TNN: variants seen among roughly 807,000 people sequenced by gnomAD.
TNN encodes the protein tenascin N.
TNN carries 122 observed loss-of-function variants against 134.4 expected under a neutral mutation model. The observed-to-expected ratio is 0.91, with a 90% CI of 0.78 to 1.06. The LOEUF is 1.06. Among genes scored for constraint, TNN ranks in the 50% least tolerant of loss-of-function variants. TNN has a pLI of 0.00. For missense variants in TNN, 1,739 were observed against 1,699.4 expected, an observed-to-expected ratio of 1.02 and a Z score of -0.41; for synonymous variants, 710 against 670.3, an observed-to-expected ratio of 1.06 and a Z score of -0.91.
intron 9 of TNN, among the ~76,000 whole-genome samples, chr1:175,105,274 A>G (rs904579157): frequency 5.5e-5 from 8 of 146,026 alleles, no homozygotes; most frequent in African/African-American, 2.0e-4. Flanking sequence ...TCTGCTTTAA[A>G]TCAGAGAGGG....
chr1:175,123,727 A>G lies in TNN; in HGVS notation c.2914+64A>G, dbSNP rs544342082. On this transcript the variant is annotated intron_variant, in intron 12 of 18. Transcript: ENST00000239462. The stretch of plus-strand genomic sequence containing the variant: ...TATCAGGAGAGAACCTTCCTCCATC[A>G]GTGGGCTGGGGAGGGGAGCAGGAGG... 5.0e-4 allele frequency: 805 copies of G among 1,598,594 alleles called. 5 individuals are homozygous for G. Among genetic ancestry groups the G allele is most frequent in the Middle Eastern group, 4.0e-3 (24 of 5,990 alleles).
chr1:175,105,204 C>A (rs1163704726), intron 9 of TNN, among the ~76,000 whole-genome samples: 1 of 145,754 alleles, frequency 6.9e-6, no homozygotes, highest in African/African-American at 2.5e-5. Context: ...TGCCCTAGAC[C>A]CTGTAGGACA....
chr1:175,136,209 C>A (rs755645186), intron 16 of TNN, among the ~76,000 whole-genome samples: 6 of 152,096 alleles, frequency 3.9e-5, no homozygotes, highest in Admixed American at 3.3e-4. Context: ...ATCTTAGAAG[C>A]CACAGTAGTA....
rs1337434758 is a variant in TNN, at chr1:175,117,203, C to T, written c.2384C>T (p.Thr795Ile). The T allele has an allele frequency of 6.2e-7, 1 of 1,614,146 alleles. No homozygotes were observed. Among genetic ancestry groups the T allele is most frequent in the Non-Finnish European group, 8.5e-7 (1 of 1,180,014 alleles). Residue 795 changes from threonine (T) to isoleucine (I), a missense_variant and splice_region_variant, in exon 10 of 19, where the codon ACA becomes ATA. Physicochemically the swap from Thr to Ile is moderately conservative, Grantham distance 89 (BLOSUM62 -1). Transcript: ENST00000239462. ...ESKKADTKAQTDIDSPQNLVT... is the reference protein window; with the variant it reads ...ESKKADTKAQIDIDSPQNLVT... Reference sequence around the variant, plus strand: ...AAGAAGGCTGACACCAAGGCCCAGACAGGTAAGGAGCATTGTTCTTTGGGA... The same window carrying T: ...AAGAAGGCTGACACCAAGGCCCAGATAGGTAAGGAGCATTGTTCTTTGGGA...
At chr1:175,130,416 T>C (rs190859471) in intron 15 of TNN, among the ~76,000 whole-genome samples, 18 of 152,336 alleles carry the variant, frequency 1.2e-4, no homozygotes, top group South Asian at 6.2e-4. Context: ...CAGAGCAGAA[T>C]GTAACATGGG....
intron 1 of TNN, among the ~76,000 whole-genome samples, chr1:175,074,484 G>GAAAAAAAAAAAAA (rs55952749): frequency 1.7e-5 from 2 of 119,020 alleles, no homozygotes; most frequent in Non-Finnish European, 1.8e-5. Flanking sequence ...GATCCTGTCT[G>GAAAAAAAAAAAAA]AAAAAAAAAA....
chr1:175,090,532 T>C (rs1674421274), intron 6 of TNN, among the ~76,000 whole-genome samples: 1 of 152,196 alleles, frequency 6.6e-6, no homozygotes, highest in Non-Finnish European at 1.5e-5. Flanking sequence ...AACTGGGAGA[T>C]TCACAGGTGG....
Position 175,098,473 on chromosome 1 carries a change from T to A in TNN, c.1997T>A (p.Val666Glu), listed in dbSNP as rs1283830208. The change falls in exon 9 of 19, where the codon GTG (valine) becomes GAG (glutamate). Residue 666 changes from valine (V) to glutamate (E), a missense_variant. Coordinates refer to ENST00000239462, the MANE Select transcript of TNN (RefSeq NM_022093.2). ...SAGGETREVP[V>E]GKEQSSTVLT... ...GGTGGAGAGACCAGGGAGGTTCCGG[T>A]GGGGAAGGAGCAGAGCAGCACAGTC... is the stretch of plus-strand genomic sequence containing the variant. The A allele has an allele frequency of 6.8e-6, 11 of 1,613,650 alleles. No individual in the cohort carries two copies. Among genetic ancestry groups the A allele is most frequent in the Middle Eastern group, 1.6e-4 (1 of 6,062 alleles).
chr1:175,092,062 G>A (rs1186279412), intron 6 of TNN, among the ~76,000 whole-genome samples: 1 of 152,130 alleles, frequency 6.6e-6, no homozygotes, highest in Non-Finnish European at 1.5e-5. Context: ...GAAGGTGAGG[G>A]CCATGAACTT....
chr1:175,102,899 T>G (rs184971960), intron 9 of TNN, among the ~76,000 whole-genome samples: 30 of 146,126 alleles, frequency 2.1e-4, no homozygotes, highest in African/African-American at 7.4e-4. Flanking sequence ...CCAACTGCTG[T>G]TGGCAATTTG....
chr1:175,134,643 A>G (rs1055307123), intron 15 of TNN, among the ~76,000 whole-genome samples: 4 of 152,154 alleles, frequency 2.6e-5, no homozygotes, highest in African/African-American at 9.7e-5. Context: ...TAGCTGAGAG[A>G]AGAGTCATCT....
chr1:175,068,812 G>T (rs1673855061), intron 1 of TNN, among the ~76,000 whole-genome samples: 1 of 152,188 alleles, frequency 6.6e-6, no homozygotes, highest in African/African-American at 2.4e-5. Flanking sequence ...GGAGGCTGAG[G>T]CAGGAGAATT....
At chr1:175,136,367 G>A (rs532949440) in intron 16 of TNN, among the ~76,000 whole-genome samples, 1 of 152,284 alleles carries the variant, frequency 6.6e-6, no homozygotes, top group South Asian at 2.1e-4. Flanking sequence ...TTCACAGACA[G>A]TGAAATAGCC....
intron 6 of TNN, among the ~76,000 whole-genome samples, chr1:175,087,834 T>C (rs1202099860): frequency 6.6e-6 from 1 of 152,240 alleles, no homozygotes; most frequent in East Asian, 1.9e-4. Context: ...CAGCTAGAAA[T>C]TGGGGGTTCT....
chr1:175,085,272 A>T, intron 5 of TNN, 133 bp from the exon 6 acceptor site: 1 of 642,244 alleles, frequency 1.6e-6, no homozygotes, highest in Non-Finnish European at 2.8e-6. Context: ...TTGCCTGCAA[A>T]TACAGATTCA....
At chr1:175,143,544 G>A (rs1315350029) in intron 17 of TNN, among the ~76,000 whole-genome samples, 2 of 55,202 alleles carry the variant, frequency 3.6e-5, no homozygotes, top group Non-Finnish European at 8.2e-5. Flanking sequence ...TGTGTTAGGA[G>A]GGTGCATGGG....
At chr1:175,139,727 T>C (rs1041942520) in intron 17 of TNN, among the ~76,000 whole-genome samples, 2 of 152,256 alleles carry the variant, frequency 1.3e-5, no homozygotes, top group Admixed American at 1.3e-4. Flanking sequence ...TTATTTACTG[T>C]ATGTAATTGT....
intron 17 of TNN, among the ~76,000 whole-genome samples, chr1:175,143,640 G>A (rs1283728363): frequency 1.3e-5 from 2 of 152,150 alleles, no homozygotes; most frequent in Admixed American, 6.5e-5. Context: ...TGAGGGCAGA[G>A]AGAAATCTCC....
intron 17 of TNN, among the ~76,000 whole-genome samples, chr1:175,143,198 C>T (rs1675978677): frequency 6.6e-6 from 1 of 152,114 alleles, no homozygotes; most frequent in South Asian, 2.1e-4. Flanking sequence ...TAAGAGCTGC[C>T]CTGCTCACTT....
Sources: gnomAD v4.1 joint callset for allele counts (sites outside exome capture counted in the v4.1 genomes callset) on GRCh38, gnomAD v4.1.1 for gene constraint, MANE v1.5 for transcripts, NCBI Gene and HGNC (gene_info 2026-07-23, HGNC 2026-07-21) for gene names.